NCAPD2: variants seen among roughly 807,000 people sequenced by gnomAD.
NCAPD2 encodes the protein non-SMC condensin I complex subunit D2.
NCAPD2 carries 100 observed loss-of-function variants against 164.5 expected under a neutral mutation model. The observed-to-expected ratio is 0.61, with a 90% CI of 0.52 to 0.72. The LOEUF is 0.72. Among genes scored for constraint, NCAPD2 ranks in the 30% least tolerant of loss-of-function variants. The probability of loss-of-function intolerance (pLI) is 0.00; values close to 1 mark genes in which losing one functional copy is unlikely to be tolerated. For synonymous variants in NCAPD2, 585 were observed against 642.6 expected, an observed-to-expected ratio of 0.91 and a Z score of 1.36; for missense variants, 1,560 against 1,749.2, an observed-to-expected ratio of 0.89 and a Z score of 1.93.
intron 13 of NCAPD2, among the ~76,000 whole-genome samples, chr12:6,519,884 T>C (rs1350795797): frequency 1.3e-5 from 2 of 150,864 alleles, no homozygotes; most frequent in Non-Finnish European, 3.0e-5. Flanking sequence ...AAAAAAAAAT[T>C]TATAGATGGC....
rs183788505 is a variant in NCAPD2, at chr12:6,528,985, G to A, written c.3518G>A (p.Arg1173His). ...AATCTCCTTCCAGATATCATCAGCC[G>A]CCTGTCAGACCCCGAGCTGGGGGTG... ...IYNLLPDIIS[R>H]LSDPELGVEE... is the part of the protein sequence containing the mutation. The change falls in exon 27 of 32, where the codon CGC becomes CAC. Residue 1173 changes from arginine (R) to histidine (H), a missense_variant. Coordinates refer to ENST00000315579, the MANE Select transcript of NCAPD2 (RefSeq NM_014865.4). This position sits in a 1 kb window ranked among gnomAD's most constrained non-coding sequence, Gnocchi z 5.1. The A allele has an allele frequency of 7.4e-6, 12 of 1,613,728 alleles. No homozygotes were observed. Among genetic ancestry groups the A allele is most frequent in the East Asian group, 2.2e-5 (1 of 44,882 alleles).
rs1176237960 is a variant in NCAPD2 at position 6,504,182 on chromosome 12, CATATATATAT to C, written c.128-5509_128-5500del. Among the ~76,000 whole-genome samples, 5 of 57,742 alleles carry C rather than the reference CATATATATAT, an allele frequency of 8.7e-5. No homozygotes were observed. In the East Asian group the frequency reaches 2.0e-3, roughly 23 times the overall value. 37.9% of individuals were successfully genotyped at this position (57,742 alleles called of 152,430 possible). On this transcript the variant is annotated intron_variant, in intron 2 of 31. Coordinates refer to ENST00000315579, the MANE Select transcript of NCAPD2 (RefSeq NM_014865.4). ...CATTCAGTTTTGACATATATATATA[CATATATATAT>C]ATATATATATATATATATATATATA... is the stretch of plus-strand genomic sequence containing the variant.
chr12:6,529,570 G>A lies in NCAPD2; in HGVS notation c.3630G>A (p.Leu1210=), dbSNP rs1470859476. The A allele has an allele frequency of 1.2e-6, 2 of 1,614,188 alleles. No individual in the cohort carries two copies. Among genetic ancestry groups the A allele is most frequent in the East Asian group, 2.2e-5 (1 of 44,878 alleles). The stretch of plus-strand genomic sequence containing the variant: ...AGACAGAGAGCCTGGTGGAAAAGCT[G>A]TGTCAGCGGTTCCGCACATCCCGGT... ...DKQTESLVEK[L]CQRFRTSRTE... Residue 1210 remains leucine (L), a synonymous_variant, in exon 28 of 32, where the codon CTG becomes CTA. Coordinates refer to ENST00000315579, the MANE Select transcript of NCAPD2 (RefSeq NM_014865.4).
intron 27 of NCAPD2, 78 bp downstream of exon 27, chr12:6,529,117 C>T (rs561695481): frequency 2.3e-6 from 3 of 1,307,792 alleles, no homozygotes; most frequent in African/African-American, 1.5e-5. Flanking sequence ...ATTTGAATTC[C>T]ACCTCGGCTA....
Position 6,521,038 on chromosome 12 carries a change from C to G in NCAPD2, c.1642C>G (p.Pro548Ala). The change falls in exon 14 of 32, where the codon CCC becomes GCC. Residue 548 changes from proline to alanine, a missense_variant. By Grantham distance (27) the Pro-to-Ala change is conservative. Coordinates refer to ENST00000315579, the MANE Select transcript of NCAPD2 (RefSeq NM_014865.4). ...EATGHFQESE[P>A]FSHIDPEESE... Reference sequence around the variant, plus strand: ...CACAGGCCACTTCCAGGAGTCCGAACCCTTCAGTCATATAGACCCAGAGGA... The same window carrying G: ...CACAGGCCACTTCCAGGAGTCCGAAGCCTTCAGTCATATAGACCCAGAGGA... 1 of 1,614,188 alleles carries G rather than the reference C, an allele frequency of 6.2e-7. No individual in the cohort carries two copies. The highest frequency in any genetic ancestry group is 8.5e-7 in the Non-Finnish European group (1 of 1,180,004).
At chr12:6,498,808 T>G (rs1318191361) in intron 2 of NCAPD2, among the ~76,000 whole-genome samples, 2 of 152,130 alleles carry the variant, frequency 1.3e-5, no homozygotes, top group Admixed American at 1.3e-4. Flanking sequence ...GGTTTCACCA[T>G]GTTGGCCAGG....
At chr12:6,526,701 C>G (rs565793871) in intron 21 of NCAPD2, 86 bp downstream of exon 21, 188 of 1,525,784 alleles carry the variant, frequency 1.2e-4, no homozygotes, top group Non-Finnish European at 1.6e-4. Context: ...CCACTATCTG[C>G]AACAACCCTT....
intron 13 of NCAPD2, among the ~76,000 whole-genome samples, chr12:6,518,525 T>TTTTTTTTTTTTTTTG (rs1565544209): frequency 7.4e-5 from 9 of 122,054 alleles, no homozygotes; most frequent in African/African-American, 2.6e-4. Context: ...TTTTTTTTTT[T>TTTTTTTTTTTTTTTG]TTTTTTTTTG....
chr12:6,528,480 G>T lies in NCAPD2; in HGVS notation c.3299+152G>T, dbSNP rs1335275027. 5 of 1,201,528 alleles carry T rather than the reference G, an allele frequency of 4.2e-6. No homozygotes were observed. Among genetic ancestry groups the T allele is most frequent in the Non-Finnish European group, 5.9e-6 (5 of 853,656 alleles). The allele number at this position is 1,201,528 out of a possible 1,614,324, so 74.4% of individuals were successfully genotyped here. On this transcript the variant is annotated intron_variant, in intron 25 of 31. Transcript: ENST00000315579. The surrounding 1 kb of genome is among the most constrained non-coding windows in gnomAD (Gnocchi z 5.1). ...GACCTGTACAGGCCCCTGGCTAAGA[G>T]TCACCCCAGTGGGACTGACACTTCT...
At chr12:6,500,349 C>T (rs982624785) in intron 2 of NCAPD2, among the ~76,000 whole-genome samples, 2 of 152,124 alleles carry the variant, frequency 1.3e-5, no homozygotes, top group African/African-American at 2.4e-5. Context: ...TGTTACGTCA[C>T]GTTTGAGCAG....
rs376439364 is a variant in NCAPD2 at position 6,527,769 on chromosome 12, C to T, written c.2908-8C>T. ...CTTATCCATGATCCCCAATTTCATTCCCTTTAGAATACGAGCTCTGAGACC... is the reference window on the plus strand; with the variant it reads ...CTTATCCATGATCCCCAATTTCATTTCCTTTAGAATACGAGCTCTGAGACC... On this transcript the variant is annotated splice_region_variant and splice_polypyrimidine_tract_variant and intron_variant, in intron 22 of 31. Transcript: ENST00000315579. 4.4e-6 allele frequency: 7 copies of T among 1,602,324 alleles called. No homozygotes were observed. The highest frequency in any genetic ancestry group is 1.7e-5 in the Admixed American group (1 of 59,128).
intron 2 of NCAPD2, among the ~76,000 whole-genome samples, chr12:6,500,441 G>A (rs1455244962): frequency 6.6e-6 from 1 of 152,146 alleles, no homozygotes; most frequent in African/African-American, 2.4e-5. Context: ...CTATGCAAAG[G>A]CCTTGAGGTG....
chr12:6,515,270 G>A (rs1291741824), intron 9 of NCAPD2, among the ~76,000 whole-genome samples: 3 of 151,608 alleles, frequency 2.0e-5, no homozygotes, highest in South Asian at 2.1e-4. Flanking sequence ...TTGCAGCCTC[G>A]ATCTCCTGGG....
At chr12:6,500,221 A>G (rs1946022205) in intron 2 of NCAPD2, among the ~76,000 whole-genome samples, 1 of 152,238 alleles carries the variant, frequency 6.6e-6, no homozygotes, top group Non-Finnish European at 1.5e-5. Flanking sequence ...CAGGAGTTCA[A>G]GACCAGCTTG....
rs1945952143 is a variant in NCAPD2 at position 6,494,105 on chromosome 12, T to G, written c.-73T>G. On this transcript the variant is annotated 5_prime_UTR_variant, in exon 1 of 32. Transcript: ENST00000315579. ...GTGTTGTGCACGCGTGTTTTTTCCT[T>G]TTCATTTCAGCCTGACTGCCGGAAT... The G allele has an allele frequency of 6.6e-6, 1 of 152,322 alleles. No individual in the cohort carries two copies. The highest frequency in any genetic ancestry group is 1.5e-5 in the Non-Finnish European group (1 of 68,080). The allele number at this position is 152,322 out of a possible 1,614,324, so 9.4% of individuals were successfully genotyped here. A position where few individuals can be genotyped will look rare whatever the true frequency, so the allele number is the denominator to read the frequency against.
chr12:6,494,689 C>G (rs551667431), intron 1 of NCAPD2, among the ~76,000 whole-genome samples: 2 of 152,168 alleles, frequency 1.3e-5, no homozygotes, highest in Non-Finnish European at 2.9e-5. Context: ...ATTAATATGC[C>G]ACTTTATAGT....
At chr12:6,503,232 T>C (rs1160203003) in intron 2 of NCAPD2, among the ~76,000 whole-genome samples, 1 of 148,472 alleles carries the variant, frequency 6.7e-6, no homozygotes, top group Non-Finnish European at 1.5e-5. Flanking sequence ...TGATACAAGC[T>C]CAACAATGGA....
chr12:6,527,150 TCTG>T, intron 22 of NCAPD2, 87 bp downstream of exon 22: 1 of 1,384,402 alleles, frequency 7.2e-7, no homozygotes, highest in South Asian at 1.5e-5. Flanking sequence ...TCTCTGCTCC[TCTG>T]CTATTACATG....
At chr12:6,502,699 A>C (rs1393990134) in intron 2 of NCAPD2, among the ~76,000 whole-genome samples, 2 of 152,016 alleles carry the variant, frequency 1.3e-5, no homozygotes, top group Non-Finnish European at 2.9e-5. Context: ...CTGTAGTCCC[A>C]GCTACTCAGA....
Sources: allele counts gnomAD v4.1 joint callset (sites outside exome capture counted in the v4.1 genomes callset), GRCh38; gene constraint gnomAD v4.1.1; non-coding constraint Gnocchi (gnomAD v3.1); transcripts MANE v1.5; gene names NCBI Gene and HGNC (gene_info 2026-07-23, HGNC 2026-07-21).